BAHCC1: variants seen among roughly 807,000 people sequenced by gnomAD.
BAHCC1 encodes BAH domain and coiled-coil containing 1.
BAHCC1 carries 43 observed loss-of-function variants against 88.2 expected under a neutral mutation model. The ratio of observed to expected loss-of-function variants is 0.49; its 90% CI spans 0.38 to 0.63. The LOEUF (loss-of-function observed/expected upper bound fraction) is 0.63. Among genes scored for constraint, BAHCC1 ranks in the 20% least tolerant of loss-of-function variants. The pLI is 0.00. For synonymous variants in BAHCC1, 1,510 were observed against 745.5 expected, an observed-to-expected ratio of 2.03 and a Z score of -16.71; for missense variants, 3,023 against 1,654.8, an observed-to-expected ratio of 1.83 and a Z score of -14.34.
chr17:81,412,612 G>C (rs1555648015), intron 2 of BAHCC1, among the ~76,000 whole-genome samples: 2 of 152,140 alleles, frequency 1.3e-5, no homozygotes, highest in African/African-American at 4.8e-5. Context: ...CACGAGGCAG[G>C]TCTGTCTGGA....
intron 2 of BAHCC1, chr17:81,401,274 C>G (rs944210532): frequency 6.6e-6 from 1 of 152,662 alleles, no homozygotes; most frequent in Non-Finnish European, 1.5e-5. Context: ...ATGGGGGAGC[C>G]GCCCAGTGGA....
chr17:81,414,103 C>T (rs1218553780), intron 2 of BAHCC1, among the ~76,000 whole-genome samples: 3 of 152,214 alleles, frequency 2.0e-5, no homozygotes, highest in African/African-American at 7.2e-5. Context: ...TGAGCCCTGA[C>T]CCGTGCCAAG....
In BAHCC1 at chr17:81,444,720, C is replaced by T. The variant is rs781834769; in HGVS notation, c.2565C>T (p.Ser855=). ...HQNLPPGFPA[S]VAGPVPSVFP... is the part of the protein sequence containing the mutation. Reference sequence around the variant, plus strand: ...ACCTGCCCCCCGGCTTCCCCGCCTCCGTGGCTGGCCCTGTGCCCTCTGTCT... The same window carrying T: ...ACCTGCCCCCCGGCTTCCCCGCCTCTGTGGCTGGCCCTGTGCCCTCTGTCT... Residue 855 remains serine (S), a synonymous_variant, in exon 8 of 28, where the codon TCC becomes TCT. Transcript: ENST00000675386. 1.7e-5 allele frequency: 13 copies of T among 777,948 alleles called. No homozygotes were observed. The highest frequency in any genetic ancestry group is 6.8e-5 in the African/African-American group (4 of 59,084). The allele number at this position is 777,948 out of a possible 1,614,324, so 48.2% of individuals were successfully genotyped here.
At chr17:81,414,161 C>G (rs1481688505) in intron 2 of BAHCC1, among the ~76,000 whole-genome samples, 3 of 152,244 alleles carry the variant, frequency 2.0e-5, no homozygotes, top group Admixed American at 2.0e-4. Flanking sequence ...CCAGCCGTGG[C>G]CCCCTCGATG....
intron 4 of BAHCC1, among the ~76,000 whole-genome samples, chr17:81,438,974 A>AGCCCCCC (rs1568015050): frequency 6.6e-6 from 1 of 151,858 alleles, no homozygotes; most frequent in African/African-American, 2.4e-5. Flanking sequence ...CCCAGCCCCC[A>AGCCCCCC]GCCCCCCAGC....
chr17:81,461,300 G>A lies in BAHCC1; in HGVS notation c.6637G>A (p.Glu2213Lys), dbSNP rs782691019. 2.0e-5 allele frequency: 14 copies of A among 716,014 alleles called. No individual in the cohort carries two copies. Among genetic ancestry groups the A allele is most frequent in the Non-Finnish European group, 3.3e-5 (13 of 388,608 alleles). The allele number at this position is 716,014 out of a possible 1,614,324, so 44.4% of individuals were successfully genotyped here. ...GGEFLVKLDHEGVTSPKNKTC... is the reference protein window; with the variant it reads ...GGEFLVKLDHKGVTSPKNKTC... ...TGAGTTCCTGGTCAAGCTGGACCAC[G>A]AGGGTGTGACCTCCCCCAAGAACAA... The change falls in exon 26 of 28, where the codon GAG (glutamate) becomes AAG (lysine). Residue 2213 changes from glutamate (E) to lysine (K), a missense_variant. Physicochemically the swap from Glu to Lys is moderately conservative, Grantham distance 56. Transcript: ENST00000675386.
At chr17:81,437,812 T>C (rs928694542) in intron 3 of BAHCC1, among the ~76,000 whole-genome samples, 3 of 152,298 alleles carry the variant, frequency 2.0e-5, no homozygotes, top group Middle Eastern at 6.8e-3. Flanking sequence ...TGTGCAGATC[T>C]CAGAGCCGGA....
At chr17:81,402,652 G>A (rs1054353559) in intron 2 of BAHCC1, 40 of 152,326 alleles carry the variant, frequency 2.6e-4, no homozygotes, top group African/African-American at 9.6e-4. Flanking sequence ...CCAACCATCG[G>A]GGATGGAGGC....
chr17:81,448,368 C>T (rs2064572478), intron 11 of BAHCC1, among the ~76,000 whole-genome samples: 1 of 152,162 alleles, frequency 6.6e-6, no homozygotes, highest in Admixed American at 6.5e-5. Flanking sequence ...TTCCGCCCAC[C>T]CAGGGGCCCC....
intron 2 of BAHCC1, chr17:81,400,783 C>G (rs1366955436): frequency 6.5e-6 from 1 of 154,298 alleles, no homozygotes. Flanking sequence ...CTTGGCAGAG[C>G]GGGCCCAGGC....
In BAHCC1 at chr17:81,443,057, G is replaced by A; in HGVS notation, c.1708G>A (p.Glu570Lys). Residue 570 changes from glutamate to lysine, a missense_variant, in exon 5 of 28, where the codon GAG (glutamate) becomes AAG (lysine). Transcript: ENST00000675386. ...GGCTGAGGCCAAGCGCAAGTCCCTGGAGCTGGCATCCCTGGGCTACAGTGG... is the reference window on the plus strand; with the variant it reads ...GGCTGAGGCCAAGCGCAAGTCCCTGAAGCTGGCATCCCTGGGCTACAGTGG... Reference protein sequence around the residue: ...IGAEAKRKSLELASLGYSGPH... With the variant: ...IGAEAKRKSLKLASLGYSGPH... The A allele has an allele frequency of 1.3e-6, 1 of 778,314 alleles. No individual in the cohort carries two copies. The highest frequency in any genetic ancestry group is 2.4e-6 in the Non-Finnish European group (1 of 417,672). 48.2% of individuals were successfully genotyped at this position (778,314 alleles called of 1,614,324 possible).
chr17:81,422,833 G>T, intron 2 of BAHCC1: 1 of 404,208 alleles, frequency 2.5e-6, no homozygotes, highest in South Asian at 1.8e-5. Flanking sequence ...TCCCCAGGAG[G>T]GTGTGGGGGT....
At chr17:81,429,495 G>T (rs966668787) in intron 3 of BAHCC1, among the ~76,000 whole-genome samples, 10 of 152,220 alleles carry the variant, frequency 6.6e-5, no homozygotes, top group Non-Finnish European at 1.3e-4. Context: ...AGGGTGAGAG[G>T]CTGGCTGGCT....
chr17:81,426,914 C>A lies in BAHCC1; in HGVS notation c.293C>A (p.Pro98His), dbSNP rs1024571926. ...THPSGPSSSP[P>H]EQAYRGSHPT... ...CCCAGCGGCCCCAGCTCCTCCCCCC[C>A]TGAGCAGGCCTACCGTGGCTCCCAC... is the stretch of plus-strand genomic sequence containing the variant. The change falls in exon 3 of 28, where the codon CCT (proline) becomes CAT (histidine). Residue 98 changes from proline to histidine, a missense_variant. Physicochemically the swap from Pro to His is moderately conservative, Grantham distance 77 (BLOSUM62 -2). Transcript: ENST00000675386. The A allele has an allele frequency of 1.5e-5, 6 of 398,846 alleles. No homozygotes were observed. The highest frequency in any genetic ancestry group is 1.3e-4 in the Admixed American group (3 of 22,714). The allele number at this position is 398,846 out of a possible 1,614,324, so 24.7% of individuals were successfully genotyped here. A position where few individuals can be genotyped will look rare whatever the true frequency, so the allele number is the denominator to read the frequency against.
chr17:81,448,648 C>T (rs1319169293), intron 11 of BAHCC1, among the ~76,000 whole-genome samples: 2 of 152,096 alleles, frequency 1.3e-5, no homozygotes, highest in Non-Finnish European at 2.9e-5. Flanking sequence ...ATGCATAAAG[C>T]TCACCACCGC....
chr17:81,417,643 C>T (rs2064052348), intron 2 of BAHCC1, among the ~76,000 whole-genome samples: 1 of 141,402 alleles, frequency 7.1e-6, no homozygotes, highest in East Asian at 2.2e-4. Flanking sequence ...TTTATTAGTT[C>T]TGGGCTGTCG....
chr17:81,461,264 C>G lies in BAHCC1; in HGVS notation c.6601C>G (p.Arg2201Gly). ...GGAGGCCGAGAAGGGTGGGCGGCGG[C>G]GGGCGGGCGGTGAGTTCCTGGTCAA... is the stretch of plus-strand genomic sequence containing the variant. ...RVEAEKGGRR[R>G]AGGEFLVKLD... is the part of the protein sequence containing the mutation. The change falls in exon 26 of 28, where the codon CGG (arginine) becomes GGG (glycine). Residue 2201 changes from arginine (R) to glycine (G), a missense_variant. Transcript: ENST00000675386. The G allele has an allele frequency of 1.4e-6, 1 of 697,302 alleles. No homozygotes were observed. Among genetic ancestry groups the G allele is most frequent in the South Asian group, 1.6e-5 (1 of 64,172 alleles). The allele number at this position is 697,302 out of a possible 1,614,324, so 43.2% of individuals were successfully genotyped here.
At position 81,461,601 on chromosome 17, in the gene BAHCC1, G is replaced by A. The variant is rs781920463; in HGVS notation, c.6938G>A (p.Arg2313His). ...AAGVPSRFLA[R>H]LSVSSSSSGS... ...GGCGTGCCCTCCCGCTTCCTCGCCCGCCTGTCCGTGTCCTCTTCCTCCTCT... is the reference window on the plus strand; with the variant it reads ...GGCGTGCCCTCCCGCTTCCTCGCCCACCTGTCCGTGTCCTCTTCCTCCTCT... The change falls in exon 26 of 28, where the codon CGC becomes CAC. Residue 2313 changes from arginine (R) to histidine (H), a missense_variant. Physicochemically the swap from Arg to His is conservative, Grantham distance 29. Transcript: ENST00000675386. 14 of 732,430 alleles carry A rather than the reference G, an allele frequency of 1.9e-5. No individual in the cohort carries two copies. Among genetic ancestry groups the A allele is most frequent in the Non-Finnish European group, 3.3e-5 (13 of 394,056 alleles). 45.4% of individuals were successfully genotyped at this position (732,430 alleles called of 1,614,324 possible).
chr17:81,445,987 G>A (rs977823465), intron 10 of BAHCC1, among the ~76,000 whole-genome samples: 15 of 152,234 alleles, frequency 9.9e-5, no homozygotes, highest in African/African-American at 3.4e-4. Context: ...TGCTGGTGGT[G>A]GTACTGGCAC....
Sources: allele counts gnomAD v4.1 joint callset (sites outside exome capture counted in the v4.1 genomes callset), GRCh38; gene constraint gnomAD v4.1.1; transcripts MANE v1.5; gene names NCBI Gene and HGNC (gene_info 2026-07-23, HGNC 2026-07-21).